Variants in TENM3 observed in about 807,000 individuals in gnomAD.
TENM3 encodes the protein teneurin-3.
TENM3 carries 63 observed loss-of-function variants against 255.1 expected under a neutral mutation model. The ratio of observed to expected loss-of-function variants is 0.25; its 90% CI spans 0.20 to 0.30. The LOEUF is 0.30. Among genes scored for constraint, TENM3 ranks in the 10% least tolerant of loss-of-function variants. The pLI is 1.00. For synonymous variants in TENM3, 1,306 were observed against 1,322.3 expected (o/e 0.99, Z 0.27); for missense variants, 2,929 against 3,461.1 (o/e 0.85, Z 3.86).
the TENM3 span, among the ~76,000 whole-genome samples, chr4:181,937,071 A>T: frequency 6.6e-6 from 1 of 152,220 alleles, no homozygotes; most frequent in Non-Finnish European, 1.5e-5. Flanking sequence ...CTAACCTGTG[A>T]TCTGCAGGAT....
intron 12 of TENM3, among the ~76,000 whole-genome samples, chr4:182,688,907 GT>G (rs1756803139): frequency 1.3e-5 from 2 of 152,034 alleles, no homozygotes; most frequent in African/African-American, 4.8e-5. Context: ...AACCTGTATG[GT>G]TAACACTTTT....
the TENM3 span, among the ~76,000 whole-genome samples, chr4:181,798,193 A>G: frequency 6.6e-6 from 1 of 152,128 alleles, no homozygotes. Flanking sequence ...CTGAGTCTCA[A>G]CCAACCTCTT....
the TENM3 span, among the ~76,000 whole-genome samples, chr4:181,494,896 C>T: frequency 6.6e-6 from 1 of 152,118 alleles, no homozygotes; most frequent in Non-Finnish European, 1.5e-5. Context: ...GAAACTTCTG[C>T]TTGCCACTTC....
intron 3 of TENM3, among the ~76,000 whole-genome samples, chr4:182,571,716 A>G (rs1744393669): frequency 6.6e-6 from 1 of 152,238 alleles, no homozygotes; most frequent in Non-Finnish European, 1.5e-5. Flanking sequence ...GTAAATTTCC[A>G]CAGAAAAATA....
At chr4:182,369,920 G>A (rs914493169) in intron 3 of TENM3, among the ~76,000 whole-genome samples, 6 of 152,128 alleles carry the variant, frequency 3.9e-5, no homozygotes, top group Non-Finnish European at 7.4e-5. Flanking sequence ...CATAGGCACA[G>A]TGGTAAGGGC....
the TENM3 span, among the ~76,000 whole-genome samples, chr4:181,757,608 C>A: frequency 6.6e-6 from 1 of 152,176 alleles, no homozygotes; most frequent in Non-Finnish European, 1.5e-5. Context: ...CTTTAACAAG[C>A]TGGTGTACGC....
At chr4:181,651,586 C>T in the TENM3 span, among the ~76,000 whole-genome samples, 30 of 146,940 alleles carry the variant, frequency 2.0e-4, no homozygotes, top group Admixed American at 1.8e-3. Flanking sequence ...GAGACTTGGT[C>T]TCAAAAAAAA....
intron 1 of TENM3, among the ~76,000 whole-genome samples, chr4:182,286,024 T>C (rs946696458): frequency 2.6e-5 from 4 of 152,168 alleles, no homozygotes; most frequent in African/African-American, 9.6e-5. Flanking sequence ...AGTCTCCTGA[T>C]ACAGGAGATC....
intron 5 of TENM3, among the ~76,000 whole-genome samples, chr4:182,649,905 C>G (rs1753101473): frequency 6.6e-6 from 1 of 150,420 alleles, no homozygotes; most frequent in Admixed American, 6.6e-5. Flanking sequence ...TCCCACTACC[C>G]TCTGGTAGAA....
chr4:182,378,562 A>C lies in TENM3; in HGVS notation c.511+31633A>C, dbSNP rs575821980. On this transcript the variant is annotated intron_variant, in intron 3 of 27. Transcript: ENST00000511685. ...CATAGCAGGAGAGATTCCAGATGGA[A>C]GGAAAGCATCGCAAAGACCCCAGGA... Among the ~76,000 whole-genome samples the C allele has an allele frequency of 9.2e-5, 14 of 152,272 alleles. No individual in the cohort carries two copies. The South Asian group carries it at 2.7e-3, about 29-fold the overall frequency.
intron 1 of TENM3, among the ~76,000 whole-genome samples, chr4:182,226,141 C>T (rs1756142061): frequency 6.6e-6 from 1 of 152,108 alleles, no homozygotes. Flanking sequence ...TTTTCAGGCA[C>T]AGCAAAGACC....
chr4:182,057,918 G>A, the TENM3 span, among the ~76,000 whole-genome samples: 3 of 152,136 alleles, frequency 2.0e-5, no homozygotes, highest in South Asian at 6.2e-4. Flanking sequence ...CTCAAGTGTT[G>A]AGGGATAGAG....
At chr4:181,934,718 TAGAA>T in the TENM3 span, among the ~76,000 whole-genome samples, 5 of 152,146 alleles carry the variant, frequency 3.3e-5, no homozygotes, top group African/African-American at 9.6e-5. Context: ...ACTCTAACAA[TAGAA>T]AGAATGTGGT....
intron 12 of TENM3, among the ~76,000 whole-genome samples, chr4:182,704,822 CTTT>C (rs201275276): frequency 2.7e-4 from 34 of 124,106 alleles, no homozygotes; most frequent in Admixed American, 4.1e-4. Flanking sequence ...TACACACAAA[CTTT>C]TTTTTTTTTT....
At position 182,687,520 on chromosome 4, in the gene TENM3, T is replaced by G. The variant is rs147252280; in HGVS notation, c.2036-646T>G. ...TTCAAAGGAGAGTCAATTATATGTATTATTAAACTGGTTTTGTACTGTGGA... is the reference window on the plus strand; with the variant it reads ...TTCAAAGGAGAGTCAATTATATGTAGTATTAAACTGGTTTTGTACTGTGGA... On this transcript the variant is annotated intron_variant, in intron 11 of 27. Transcript: ENST00000511685. Among the ~76,000 whole-genome samples, 1,419 of 152,316 alleles carry G rather than the reference T, an allele frequency of 9.3e-3. 25 individuals carry two copies. Among genetic ancestry groups the G allele is most frequent in the African/African-American group, 0.033 (1,352 of 41,580 alleles).
At chr4:181,593,804 T>C in the TENM3 span, among the ~76,000 whole-genome samples, 2 of 152,204 alleles carry the variant, frequency 1.3e-5, no homozygotes, top group Non-Finnish European at 1.5e-5. Flanking sequence ...AGGTGGTATA[T>C]ATTGATGTGA....
the TENM3 span, among the ~76,000 whole-genome samples, chr4:181,899,413 C>T: frequency 3.3e-4 from 50 of 151,792 alleles, no homozygotes; most frequent in Non-Finnish European, 6.2e-4. Context: ...ACTAGAGAAA[C>T]GTAGAAAGAA....
chr4:182,557,990 T>C (rs1475456995), intron 3 of TENM3, among the ~76,000 whole-genome samples: 1 of 152,192 alleles, frequency 6.6e-6, no homozygotes, highest in Non-Finnish European at 1.5e-5. Flanking sequence ...CTTTGGAGTA[T>C]TAGAAAGAGA....
chr4:181,752,651 A>G, the TENM3 span, among the ~76,000 whole-genome samples: 2 of 152,152 alleles, frequency 1.3e-5, no homozygotes, highest in Admixed American at 1.3e-4. Context: ...ATTTTTTTGG[A>G]GTATGAGTCA....
Sources: gnomAD v4.1 joint callset for allele counts (sites outside exome capture counted in the v4.1 genomes callset) on GRCh38, gnomAD v4.1.1 for gene constraint, MANE v1.5 for transcripts, NCBI Gene and HGNC (gene_info 2026-07-23, HGNC 2026-07-21) for gene names.